Variants in RNF11 observed in about 807,000 individuals in gnomAD.
RNF11 encodes the protein ring finger protein 11.
Under a neutral mutation model 15.8 loss-of-function variants are expected in RNF11, and 4 were observed. The observed-to-expected ratio is 0.25, with a 90% CI of 0.12 to 0.58. The LOEUF (loss-of-function observed/expected upper bound fraction) is 0.58, where lower values mean the gene tolerates loss of function less well. Ranked by LOEUF, RNF11 falls within the 20% of genes least tolerant of loss-of-function variation. RNF11 has a pLI of 0.91. For missense variants in RNF11, 139 were observed against 194.4 expected (o/e 0.71, Z 1.70); for synonymous variants, 68 against 72.3 (o/e 0.94, Z 0.30).
intron 1 of RNF11, among the ~76,000 whole-genome samples, chr1:51,247,225 G>T (rs1646856495): frequency 6.6e-6 from 1 of 151,488 alleles, no homozygotes; most frequent in Non-Finnish European, 1.5e-5. Context: ...TTTTTTTAGA[G>T]ACGGGGTTTC....
chr1:51,250,516 G>T, intron 1 of RNF11: 1 of 545,496 alleles, frequency 1.8e-6, no homozygotes, highest in Non-Finnish European at 3.2e-6. Flanking sequence ...GTTTACACAA[G>T]TATGTTGGAA....
At chr1:51,264,909 C>G (rs1646948028) in intron 1 of RNF11, 1 of 152,198 alleles carries the variant, frequency 6.6e-6, no homozygotes, top group African/African-American at 2.4e-5. Flanking sequence ...GGGCCCGATA[C>G]ATTCTTGACA....
chr1:51,244,764 T>G (rs1346659788), intron 1 of RNF11, among the ~76,000 whole-genome samples: 2 of 152,204 alleles, frequency 1.3e-5, no homozygotes, highest in Non-Finnish European at 2.9e-5. Flanking sequence ...GTGACCCCAT[T>G]GTTGCAGGAT....
chr1:51,237,803 C>T (rs1646811979), intron 1 of RNF11, among the ~76,000 whole-genome samples: 1 of 152,152 alleles, frequency 6.6e-6, no homozygotes, highest in Non-Finnish European at 1.5e-5. Flanking sequence ...ACACCCTTTT[C>T]CAGAGGGCTT....
At chr1:51,266,116 T>A (rs1292646891) in intron 1 of RNF11, 1 of 152,210 alleles carries the variant, frequency 6.6e-6, no homozygotes, top group African/African-American at 2.4e-5. Flanking sequence ...CATACATAAT[T>A]AAATACCAGA....
intron 1 of RNF11, among the ~76,000 whole-genome samples, chr1:51,242,957 C>T (rs1438090269): frequency 6.6e-6 from 1 of 152,112 alleles, no homozygotes; most frequent in Non-Finnish European, 1.5e-5. Flanking sequence ...TTATCCCTCC[C>T]CTTCTTTATG....
In RNF11 at chr1:51,271,319, T is replaced by C. The variant is rs1363442626; in HGVS notation, c.462T>C (p.Asn154=). 4.3e-6 allele frequency: 7 copies of C among 1,610,920 alleles called. No homozygotes were observed. In the South Asian group the frequency reaches 6.6e-5, roughly 15 times the overall value. Residue 154 remains asparagine, a synonymous_variant, in exon 3 of 3, where the codon AAT becomes AAC. Coordinates refer to ENST00000242719, the MANE Select transcript of RNF11 (RefSeq NM_014372.5). ...CACTGCTTTCATCCTATGAGACTAA[T>C]TGAGCCAGGGTCTCTTATCTGACTT... is the stretch of plus-strand genomic sequence containing the variant. ...DAALLSSYET[N] is the part of the protein sequence containing the mutation.
At chr1:51,245,940 C>A (rs1319320146) in intron 1 of RNF11, among the ~76,000 whole-genome samples, 1 of 152,126 alleles carries the variant, frequency 6.6e-6, no homozygotes, top group Non-Finnish European at 1.5e-5. Context: ...TCTTCATGTG[C>A]AGAATTTACC....
intron 1 of RNF11, among the ~76,000 whole-genome samples, chr1:51,263,208 T>G (rs904057741): frequency 6.6e-6 from 1 of 152,178 alleles, no homozygotes; most frequent in Non-Finnish European, 1.5e-5. Context: ...GTACAAAAAC[T>G]TATACATGTA....
At position 51,271,154 on chromosome 1, in the gene RNF11, T is replaced by C; in HGVS notation, c.297T>C (p.Cys99=). The C allele has an allele frequency of 6.2e-7, 1 of 1,613,796 alleles. No homozygotes were observed. The highest frequency in any genetic ancestry group is 1.3e-5 in the African/African-American group (1 of 75,054). The change falls in exon 3 of 3, where the codon TGT becomes TGC. Residue 99 remains cysteine, a synonymous_variant. Transcript: ENST00000242719. ...TTCTCTCCATTGCTCTCAACAGGTG[T>C]GTGATCTGTATGATGGACTTTGTTT... ...RDGSEKKIRE[C]VICMMDFVYG...
intron 1 of RNF11, among the ~76,000 whole-genome samples, chr1:51,256,738 A>G (rs1646905875): frequency 6.6e-6 from 1 of 151,982 alleles, no homozygotes; most frequent in South Asian, 2.1e-4. Flanking sequence ...GTATGGCGTG[A>G]TCTCAGCTCA....
intron 1 of RNF11, among the ~76,000 whole-genome samples, chr1:51,240,513 G>C: frequency 6.6e-6 from 1 of 151,644 alleles, no homozygotes; most frequent in South Asian, 2.1e-4. Flanking sequence ...TCTATTACCT[G>C]TCTTCTCCCA....
At position 51,265,795 on chromosome 1, in the gene RNF11, T is replaced by C. The variant is rs987765628; in HGVS notation, c.124-4161T>C. ...TGGTGTCATTAGAGAAGAGCCCATA[T>C]ATTAAGTAAGCCCTTATCTTGGTAA... On this transcript the variant is annotated intron_variant, in intron 1 of 2. Coordinates refer to ENST00000242719, the MANE Select transcript of RNF11 (RefSeq NM_014372.5). The C allele has an allele frequency of 2.6e-5, 4 of 152,092 alleles. 1 individual carries two copies. Among genetic ancestry groups the C allele is most frequent in the African/African-American group, 9.7e-5 (4 of 41,422 alleles). The allele number at this position is 152,092 out of a possible 1,614,324, so 9.4% of individuals were successfully genotyped here.
chr1:51,260,665 C>T (rs1193117430), intron 1 of RNF11, among the ~76,000 whole-genome samples: 1 of 152,118 alleles, frequency 6.6e-6, no homozygotes, highest in Non-Finnish European at 1.5e-5. Flanking sequence ...TGGATTCTTG[C>T]ACCTACTTTT....
chr1:51,248,206 T>C (rs898442121), intron 1 of RNF11, among the ~76,000 whole-genome samples: 1 of 120,800 alleles, frequency 8.3e-6, no homozygotes, highest in African/African-American at 3.2e-5. Flanking sequence ...TTTCTTTTTC[T>C]TTTTTTTTTT....
At chr1:51,244,672 C>T (rs1263315118) in intron 1 of RNF11, among the ~76,000 whole-genome samples, 24 of 152,148 alleles carry the variant, frequency 1.6e-4, no homozygotes, top group Admixed American at 1.6e-3. Flanking sequence ...CCGCGCCCAG[C>T]CTGAATTTGG....
intron 1 of RNF11, among the ~76,000 whole-genome samples, chr1:51,243,855 C>T (rs1405370710): frequency 6.6e-6 from 1 of 152,210 alleles, no homozygotes; most frequent in African/African-American, 2.4e-5. Flanking sequence ...TTCTTTTATA[C>T]AACCTGTATA....
intron 1 of RNF11, among the ~76,000 whole-genome samples, chr1:51,253,749 C>T (rs1263462121): frequency 6.6e-6 from 1 of 152,030 alleles, no homozygotes; most frequent in Non-Finnish European, 1.5e-5. Context: ...ATTATTTTTG[C>T]TTTCTTGATA....
intron 1 of RNF11, among the ~76,000 whole-genome samples, chr1:51,259,608 T>C (rs1328074132): frequency 1.3e-5 from 2 of 152,252 alleles, no homozygotes; most frequent in Non-Finnish European, 2.9e-5. Flanking sequence ...AATTCCTGTA[T>C]TTAAGCTTCT....
Sources: gnomAD v4.1 joint callset for allele counts (sites outside exome capture counted in the v4.1 genomes callset) on GRCh38, gnomAD v4.1.1 for gene constraint, MANE v1.5 for transcripts, NCBI Gene and HGNC (gene_info 2026-07-23, HGNC 2026-07-21) for gene names.